Variants in RAPGEF1 observed in about 807,000 individuals in gnomAD.
RAPGEF1 encodes Rap guanine nucleotide exchange factor 1.
RAPGEF1 carries 33 observed loss-of-function variants against 143.3 expected under a neutral mutation model. That is an observed-to-expected ratio of 0.23 (90% confidence interval 0.17 to 0.31). The LOEUF (loss-of-function observed/expected upper bound fraction) is 0.31. Among genes scored for constraint, RAPGEF1 ranks in the 10% least tolerant of loss-of-function variants. The pLI, the probability that RAPGEF1 is intolerant of heterozygous loss-of-function variation, is 1.00. For missense variants in RAPGEF1, 1,199 were observed against 1,645.4 expected (o/e 0.73, Z 4.69); for synonymous variants, 629 against 676.5 (o/e 0.93, Z 1.09).
chr9:131,646,642 A>G (rs1969726947), intron 3 of RAPGEF1, among the ~76,000 whole-genome samples: 1 of 152,216 alleles, frequency 6.6e-6, no homozygotes, highest in African/African-American at 2.4e-5. Context: ...TCCTTGTCCC[A>G]TCTGCAGCCT....
In RAPGEF1 at chr9:131,667,124, G is replaced by A. The variant is rs747165928; in HGVS notation, c.62-16175C>T. On this transcript the variant is annotated intron_variant, in intron 1 of 26. Coordinates refer to ENST00000683357, the MANE Select transcript of RAPGEF1 (RefSeq NM_001377935.1). The surrounding 1 kb of genome is among the most constrained non-coding windows in gnomAD (Gnocchi z 4.6). ...CCTGCCTTGGCCTCCCTAGTAGCTG[G>A]GATTACAGGTGCCTGCCACCACGCC... Among the ~76,000 whole-genome samples, 4 of 152,104 alleles carry A rather than the reference G, an allele frequency of 2.6e-5. No individual in the cohort carries two copies. The highest frequency in any genetic ancestry group is 2.4e-5 in the African/African-American group (1 of 41,416).
At chr9:131,663,197 TA>T (rs1349965808) in intron 1 of RAPGEF1, among the ~76,000 whole-genome samples, 1 of 152,180 alleles carries the variant, frequency 6.6e-6, no homozygotes, top group Non-Finnish European at 1.5e-5. Context: ...CGTCAACCGT[TA>T]ACATTTTGCC....
intron 10 of RAPGEF1, among the ~76,000 whole-genome samples, chr9:131,624,671 G>C (rs1962387601): frequency 6.6e-6 from 1 of 152,214 alleles, no homozygotes; most frequent in Non-Finnish European, 1.5e-5. Context: ...CAGGGGTGGA[G>C]GGGGAGGCCA....
At chr9:131,713,465 C>A (rs922349277) in intron 1 of RAPGEF1, among the ~76,000 whole-genome samples, 4 of 152,116 alleles carry the variant, frequency 2.6e-5, no homozygotes, top group Admixed American at 1.3e-4. Context: ...TTCCTCATGA[C>A]CAGAGGAGGC....
At chr9:131,680,117 T>C (rs1450582978) in intron 1 of RAPGEF1, among the ~76,000 whole-genome samples, 1 of 152,260 alleles carries the variant, frequency 6.6e-6, no homozygotes, top group Non-Finnish European at 1.5e-5. Flanking sequence ...TGCACACTGA[T>C]GGACAATAAG....
chr9:131,603,697 AGATTT>A (rs1177426928), intron 14 of RAPGEF1, among the ~76,000 whole-genome samples: 10 of 152,268 alleles, frequency 6.6e-5, no homozygotes, highest in Admixed American at 4.6e-4. Flanking sequence ...CTGGTCCCAG[AGATTT>A]CTAGATGACC....
chr9:131,610,829 T>A (rs1405117661), intron 12 of RAPGEF1, among the ~76,000 whole-genome samples: 1 of 152,192 alleles, frequency 6.6e-6, no homozygotes, highest in Admixed American at 6.5e-5. Flanking sequence ...CGTGATTGTC[T>A]GGGGAGAAAA....
intron 1 of RAPGEF1, among the ~76,000 whole-genome samples, chr9:131,657,214 A>G (rs973041179): frequency 2.0e-5 from 3 of 152,208 alleles, no homozygotes; most frequent in Admixed American, 6.5e-5. Context: ...TGTTAGGGCA[A>G]TCTCGCCAAC....
At chr9:131,676,117 A>T (rs1832314876) in intron 1 of RAPGEF1, among the ~76,000 whole-genome samples, 1 of 152,132 alleles carries the variant, frequency 6.6e-6, no homozygotes, top group South Asian at 2.1e-4. Flanking sequence ...GTCTTTTAGA[A>T]TGGGGAGGTG....
At chr9:131,633,787 C>T (rs905092766) in intron 5 of RAPGEF1, among the ~76,000 whole-genome samples, 9 of 152,212 alleles carry the variant, frequency 5.9e-5, no homozygotes, top group Admixed American at 1.3e-4. Context: ...TCTTGACTTG[C>T]CTTAACTATC....
chr9:131,606,324 C>G (rs2132542460), intron 12 of RAPGEF1, among the ~76,000 whole-genome samples: 1 of 152,314 alleles, frequency 6.6e-6, no homozygotes, highest in Middle Eastern at 3.4e-3. Flanking sequence ...TCGTGTCCTA[C>G]AAAGGCCTGC....
In RAPGEF1 at chr9:131,584,366, G is replaced by C. The variant is rs1335727242; in HGVS notation, c.3359C>G (p.Ser1120Cys). ...NNFNSYLAILSALDSAPIRRL... is the reference protein window; with the variant it reads ...NNFNSYLAILCALDSAPIRRL... ...GCGGATGGGCGCCGAGTCCAGGGCAGAGAGGATGGCCAAGTAGGAGTTGAA... is the reference window on the plus strand; with the variant it reads ...GCGGATGGGCGCCGAGTCCAGGGCACAGAGGATGGCCAAGTAGGAGTTGAA... The change falls in exon 24 of 27, where the codon TCT (serine) becomes TGT (cysteine). Residue 1120 changes from serine (S) to cysteine (C), a missense_variant. This residue lies in a region of RAPGEF1 where 209 missense variants were observed against 403.0 expected (regional missense o/e 0.52). Coordinates refer to ENST00000683357, the MANE Select transcript of RAPGEF1 (RefSeq NM_001377935.1). The surrounding 1 kb of genome is among the most constrained non-coding windows in gnomAD (Gnocchi z 6.8). 5.0e-6 allele frequency: 8 copies of C among 1,613,748 alleles called. No homozygotes were observed. The highest frequency in any genetic ancestry group is 6.8e-6 in the Non-Finnish European group (8 of 1,179,832).
chr9:131,604,876 A>G, intron 13 of RAPGEF1, 55 bp downstream of exon 13: 1 of 1,244,006 alleles, frequency 8.0e-7, no homozygotes, highest in Non-Finnish European at 1.0e-6. Flanking sequence ...GTGCAGCCCC[A>G]TGTGCAGGGG....
chr9:131,612,189 G>A (rs1231971775), intron 12 of RAPGEF1, among the ~76,000 whole-genome samples: 3 of 152,216 alleles, frequency 2.0e-5, no homozygotes, highest in Non-Finnish European at 4.4e-5. Flanking sequence ...AAGAAGGTTT[G>A]TGTCTATTTC....
In RAPGEF1 at chr9:131,663,453, CTT is replaced by C. The variant is rs57688948; in HGVS notation, c.62-12506_62-12505del. On this transcript the variant is annotated intron_variant, in intron 1 of 26. Transcript: ENST00000683357. The stretch of plus-strand genomic sequence containing the variant: ...ATTTCTCTTATCAGATTCTCTATAG[CTT>C]TTTTTTTTTTTTTTTAAATCCAAGA... 5.5e-4 allele frequency among the ~76,000 whole-genome samples: 78 copies of C among 141,290 alleles called. 1 individual carries two copies. Among genetic ancestry groups the C allele is most frequent in the Non-Finnish European group, 5.2e-4 (34 of 65,070 alleles). 92.7% of individuals were successfully genotyped at this position (141,290 alleles called of 152,430 possible). A position where few individuals can be genotyped will look rare whatever the true frequency, so the allele number is the denominator to read the frequency against.
chr9:131,708,594 A>G (rs949757078), intron 1 of RAPGEF1, among the ~76,000 whole-genome samples: 3 of 152,200 alleles, frequency 2.0e-5, no homozygotes, highest in Admixed American at 2.0e-4. Flanking sequence ...GATTTTACAG[A>G]AAGTACCTTG....
rs961740604 is a variant in RAPGEF1 at position 131,709,647 on chromosome 9, G to A, written c.61+30123C>T. 8.7e-6 allele frequency: 14 copies of A among 1,613,854 alleles called. No homozygotes were observed. In the Middle Eastern group the frequency reaches 6.6e-4, roughly 76 times the overall value. ...TGTTTCCAGGGGTACAGATGACTTCGTTTCAAGGGCTTCTGTTTTTCAATA... is the reference window on the plus strand; with the variant it reads ...TGTTTCCAGGGGTACAGATGACTTCATTTCAAGGGCTTCTGTTTTTCAATA... On this transcript the variant is annotated intron_variant, in intron 1 of 26. Coordinates refer to ENST00000683357, the MANE Select transcript of RAPGEF1 (RefSeq NM_001377935.1).
chr9:131,637,915 G>A (rs1966795573), intron 5 of RAPGEF1, among the ~76,000 whole-genome samples: 2 of 152,196 alleles, frequency 1.3e-5, no homozygotes, highest in Non-Finnish European at 2.9e-5. Context: ...GCTAAGGCTG[G>A]CCCCTTTCTA....
At chr9:131,721,549 C>T (rs1360948748) in intron 1 of RAPGEF1, among the ~76,000 whole-genome samples, 2 of 152,156 alleles carry the variant, frequency 1.3e-5, no homozygotes, top group Admixed American at 1.3e-4. Flanking sequence ...ACCAGTGTTC[C>T]AGGCATCTAT....
Sources: gnomAD v4.1 joint callset for allele counts (sites outside exome capture counted in the v4.1 genomes callset) on GRCh38, gnomAD v4.1.1 for gene constraint, gnomAD v4.1.1 regional missense constraint, Gnocchi (gnomAD v3.1) non-coding constraint, MANE v1.5 for transcripts, NCBI Gene and HGNC (gene_info 2026-07-23, HGNC 2026-07-21) for gene names.